Variants in TIAM1 observed in about 807,000 individuals in gnomAD.
TIAM1 encodes rho guanine nucleotide exchange factor TIAM1.
Under a neutral mutation model 163.5 loss-of-function variants are expected in TIAM1, and 65 were observed. That is an observed-to-expected ratio of 0.40 (90% confidence interval 0.33 to 0.49). The LOEUF is 0.49. Among genes scored for constraint, TIAM1 ranks in the 20% least tolerant of loss-of-function variants. The probability of loss-of-function intolerance (pLI) is 0.77; values close to 1 mark genes in which losing one functional copy is unlikely to be tolerated. For synonymous variants in TIAM1, 833 were observed against 810.1 expected, an observed-to-expected ratio of 1.03 and a Z score of -0.48; for missense variants, 1,789 against 2,044.7, an observed-to-expected ratio of 0.87 and a Z score of 2.41.
At chr21:31,136,941 C>G (rs897925969) in intron 22 of TIAM1, among the ~76,000 whole-genome samples, 4 of 152,220 alleles carry the variant, frequency 2.6e-5, no homozygotes, top group African/African-American at 9.6e-5. Flanking sequence ...TCTATTGGCA[C>G]AGGCAGCGTG....
chr21:31,523,315 A>C (rs948918359), intron 1 of TIAM1, among the ~76,000 whole-genome samples: 1 of 152,252 alleles, frequency 6.6e-6, no homozygotes, highest in Non-Finnish European at 1.5e-5. Flanking sequence ...AAAAGTCCTA[A>C]GCAGTGCAAT....
chr21:31,509,964 C>A (rs1195050598), intron 1 of TIAM1, among the ~76,000 whole-genome samples: 1 of 152,170 alleles, frequency 6.6e-6, no homozygotes, highest in Non-Finnish European at 1.5e-5. Flanking sequence ...AAATCACAAC[C>A]CCAGACCAGA....
intron 2 of TIAM1, among the ~76,000 whole-genome samples, chr21:31,331,035 GCT>G (rs2075663230): frequency 6.6e-6 from 1 of 151,934 alleles, no homozygotes; most frequent in Admixed American, 6.6e-5. Flanking sequence ...TTATACTTAG[GCT>G]ATGTTTTCCC....
intron 20 of TIAM1, among the ~76,000 whole-genome samples, chr21:31,144,292 C>A (rs1038899163): frequency 6.6e-6 from 1 of 152,222 alleles, no homozygotes; most frequent in Non-Finnish European, 1.5e-5. Context: ...AAGTCTAGGG[C>A]CACATCTAGA....
chr21:31,214,351 G>GAAAGAA (rs1041179737), intron 9 of TIAM1, among the ~76,000 whole-genome samples: 3 of 151,140 alleles, frequency 2.0e-5, no homozygotes, highest in Non-Finnish European at 4.4e-5. Flanking sequence ...TAAAAAACCA[G>GAAAGAA]AAAGAAAAAG....
At chr21:31,492,515 G>T (rs1025163841) in intron 1 of TIAM1, among the ~76,000 whole-genome samples, 1 of 152,116 alleles carries the variant, frequency 6.6e-6, no homozygotes, top group Non-Finnish European at 1.5e-5. Flanking sequence ...GGACTCAAAA[G>T]AATGCAACCT....
intron 1 of TIAM1, among the ~76,000 whole-genome samples, chr21:31,465,619 G>T (rs2045497777): frequency 6.6e-6 from 1 of 151,180 alleles, no homozygotes; most frequent in African/African-American, 2.4e-5. Flanking sequence ...TACCCAGGCT[G>T]GAGTGCAGTG....
At chr21:31,256,701 A>G (rs2072130607) in intron 4 of TIAM1, among the ~76,000 whole-genome samples, 1 of 151,770 alleles carries the variant, frequency 6.6e-6, no homozygotes, top group South Asian at 2.1e-4. Flanking sequence ...ATCTCAGTAC[A>G]GCAAGTATCA....
rs532097043 is a variant in TIAM1 at position 31,252,864 on chromosome 21, C to T, written c.964-675G>A. On this transcript the variant is annotated intron_variant, in intron 4 of 27. Transcript: ENST00000541036. ...CATTGTGCTAAATAAGTCTGTGGGG[C>T]CTACAGCTCCATTGAGCTCTCCAAT... Among the ~76,000 whole-genome samples, 4 of 152,310 alleles carry T rather than the reference C, an allele frequency of 2.6e-5. No homozygotes were observed. The South Asian group carries it at 8.3e-4, about 32-fold the overall frequency.
At chr21:31,194,585 A>C (rs16987931) in intron 13 of TIAM1, among the ~76,000 whole-genome samples, 1,986 of 152,314 alleles carry the variant, frequency 0.013, 48 homozygotes, top group African/African-American at 0.044. Context: ...CCGAAAGGCC[A>C]GATCAAATAA....
At chr21:31,462,347 G>C in intron 2 of TIAM1, among the ~76,000 whole-genome samples, 1 of 152,180 alleles carries the variant, frequency 6.6e-6, no homozygotes, top group Non-Finnish European at 1.5e-5. Context: ...TAGAAAGGAG[G>C]AGTGAAGCAG....
At chr21:31,499,930 G>A (rs1393077761) in intron 1 of TIAM1, among the ~76,000 whole-genome samples, 1 of 151,992 alleles carries the variant, frequency 6.6e-6, no homozygotes, top group Non-Finnish European at 1.5e-5. Context: ...CACTTTGGGA[G>A]GTCAAGGCGG....
At chr21:31,186,943 T>C in intron 14 of TIAM1, 58 bp downstream of exon 14, 3 of 1,431,192 alleles carry the variant, frequency 2.1e-6, no homozygotes, top group East Asian at 2.3e-5. Context: ...CTTCAAAAAC[T>C]AGAGAAGCCC....
chr21:31,246,138 A>G (rs1471152787), intron 5 of TIAM1, among the ~76,000 whole-genome samples: 1 of 152,196 alleles, frequency 6.6e-6, no homozygotes, highest in African/African-American at 2.4e-5. Context: ...CCCTTGGATA[A>G]AACAATATAT....
intron 2 of TIAM1, among the ~76,000 whole-genome samples, chr21:31,367,182 G>A (rs1468628292): frequency 6.6e-6 from 1 of 152,074 alleles, no homozygotes; most frequent in African/African-American, 2.4e-5. Context: ...GTGAAGAAGA[G>A]AAGAAGGGCA....
chr21:31,297,651 T>C (rs963442595), intron 2 of TIAM1, among the ~76,000 whole-genome samples: 44 of 152,224 alleles, frequency 2.9e-4, no homozygotes, highest in Admixed American at 3.9e-4. Flanking sequence ...CCCAAAGTGC[T>C]GGGATTACAG....
intron 6 of TIAM1, among the ~76,000 whole-genome samples, chr21:31,229,601 G>A (rs762762756): frequency 6.6e-6 from 1 of 151,738 alleles, no homozygotes; most frequent in Non-Finnish European, 1.5e-5. Flanking sequence ...TGTTTGTATC[G>A]CTCAGTGGAA....
Position 31,266,840 on chromosome 21 carries a change from C to T in TIAM1, c.133G>A (p.Gly45Arg). The T allele has an allele frequency of 6.2e-7, 1 of 1,614,154 alleles. No homozygotes were observed. The highest frequency in any genetic ancestry group is 8.5e-7 in the Non-Finnish European group (1 of 1,180,038). The change falls in exon 4 of 28, where the codon GGG becomes AGG. Residue 45 changes from glycine (G) to arginine (R), a missense_variant. This residue lies in a region of TIAM1 where 555 missense variants were observed against 564.9 expected (regional missense o/e 0.98). Transcript: ENST00000541036. The stretch of plus-strand genomic sequence containing the variant: ...TCGGAGTTCCTGTGGATCACCTTCC[C>T]CGAGGAAGCGTGCCTGGTCCTCCGC... The part of the protein sequence containing the change: ...KTRRTRHASS[G>R]KVIHRNSEVS...
At chr21:31,471,870 A>AAATAATAATAATAATAATAATAATAAT (rs551501073) in intron 1 of TIAM1, among the ~76,000 whole-genome samples, 16 of 118,934 alleles carry the variant, frequency 1.3e-4, no homozygotes, top group African/African-American at 5.4e-4. Flanking sequence ...ACTCCATCTC[A>AAATAATAATAATAATAATAATAATAAT]AATAATAATA....
Sources: gnomAD v4.1 joint callset for allele counts (sites outside exome capture counted in the v4.1 genomes callset) on GRCh38, gnomAD v4.1.1 for gene constraint, gnomAD v4.1.1 regional missense constraint, MANE v1.5 for transcripts, NCBI Gene and HGNC (gene_info 2026-07-23, HGNC 2026-07-21) for gene names.